GALK1: variants seen among roughly 807,000 people sequenced by gnomAD.
The protein encoded by GALK1 is galactokinase.
A neutral mutation model predicts 38.6 loss-of-function variants in GALK1; 30 were observed. That is an observed-to-expected ratio of 0.78 (90% CI 0.58 to 1.05). The LOEUF (loss-of-function observed/expected upper bound fraction) is 1.05. GALK1 is among the 50% of genes least tolerant of loss of function. The pLI, the probability that GALK1 is intolerant of heterozygous loss-of-function variation, is 0.00. For missense variants in GALK1, 512 were observed against 540.5 expected (o/e 0.95, Z 0.52); for synonymous variants, 240 against 233.6 (o/e 1.03, Z -0.25).
At chr17:75,757,119 T>C (rs55696316), downstream of GALK1, 520 of 1,612,508 alleles carry the variant, frequency 3.2e-4, 1 homozygote, top group African/African-American at 6.4e-3. Context: ...TAGGCACCTG[T>C]CCTTTCCTTC....
rs774588437 is a variant in GALK1, at chr17:75,764,012, C to T, written c.240G>A (p.Glu80=). 1.6e-5 allele frequency: 25 copies of T among 1,609,266 alleles called. No homozygotes were observed. The highest frequency in any genetic ancestry group is 1.9e-5 in the Non-Finnish European group (22 of 1,178,728). The part of the protein sequence containing the change: ...DGLVSLLTTS[E]GADEPQRLQF... ...GCAGCCGCTGGGGCTCATCGGCACC[C>T]TCAGAGGTGGTGAGGAGAGACACCA... The change falls in exon 2 of 8, where the codon GAG becomes GAA. Residue 80 remains glutamate (E), a synonymous_variant. Transcript: ENST00000588479.
At chr17:75,753,690 C>G, downstream of GALK1, 1 of 1,027,706 alleles carries the variant, frequency 9.7e-7, no homozygotes, top group East Asian at 3.2e-5. Context: ...GCAGAGCCTA[C>G]GGCCTTCCCC....
downstream of GALK1, among the ~76,000 whole-genome samples, chr17:75,755,407 C>CGGGGCT (rs1216877759): frequency 4.6e-5 from 7 of 152,086 alleles, no homozygotes; most frequent in East Asian, 3.9e-4. Context: ...TCCCAGGGGG[C>CGGGGCT]GGGGCTGGGG....
At chr17:75,756,394 C>G (rs1599321487), downstream of GALK1, 1 of 1,610,444 alleles carries the variant, frequency 6.2e-7, no homozygotes, top group African/African-American at 1.3e-5. Flanking sequence ...GGGAGTAACA[C>G]TGCACTACTG....
intron 8 of GALK1, chr17:75,751,921 G>T: frequency 1.8e-6 from 1 of 566,112 alleles, no homozygotes; most frequent in Admixed American, 2.8e-5. Context: ...TGACATCGAG[G>T]CCAACTTGAG....
chr17:75,753,798 A>T, downstream of GALK1: 1 of 1,459,564 alleles, frequency 6.9e-7, no homozygotes, highest in Non-Finnish European at 9.0e-7. Context: ...CTGCTGGGGG[A>T]GGAGCTGGAC....
intron 8 of GALK1, chr17:75,752,576 T>A: frequency 1.9e-6 from 3 of 1,613,472 alleles, no homozygotes; most frequent in Non-Finnish European, 2.5e-6. Context: ...CCGATGACAC[T>A]GGTGAGTGGA....
chr17:75,758,199 T>TGCCC lies in GALK1; in HGVS notation c.1107+7_1107+10dup. The TGCCC allele has an allele frequency of 6.2e-7, 1 of 1,608,148 alleles. No individual in the cohort carries two copies. Reference sequence around the variant, plus strand: ...CCGCTCCTGCCCGCCCAGGCCCTGGTGCCCGCCCACCTGGATGTGCCGCAT... The same window carrying TGCCC: ...CCGCTCCTGCCCGCCCAGGCCCTGGTGCCCGCCCGCCCACCTGGATGTGCCGCAT... On this transcript the variant is annotated intron_variant, in intron 7 of 7. Transcript: ENST00000588479.
chr17:75,755,581 T>C, downstream of GALK1: 1 of 1,309,480 alleles, frequency 7.6e-7, no homozygotes, highest in East Asian at 2.4e-5. Context: ...GAGTGAGTTG[T>C]CCAGCCAGCG....
At chr17:75,756,951 A>G (rs1264499019), downstream of GALK1, 3 of 1,612,538 alleles carry the variant, frequency 1.9e-6, no homozygotes, top group Non-Finnish European at 8.5e-7. Context: ...AGGGCCAGCC[A>G]CCGCATTCCG....
chr17:75,756,645 T>C, downstream of GALK1: 1 of 1,612,792 alleles, frequency 6.2e-7, no homozygotes, highest in East Asian at 2.2e-5. Flanking sequence ...GCCCCAGAGC[T>C]GCCCCCATCA....
At position 75,763,807 on chromosome 17, in the gene GALK1, A is replaced by G. The variant is rs2061598311; in HGVS notation, c.355+90T>C. 1.7e-5 allele frequency: 21 copies of G among 1,247,242 alleles called. No individual in the cohort carries two copies. The South Asian group carries it at 2.5e-4, about 15-fold the overall frequency. The allele number at this position is 1,247,242 out of a possible 1,614,324, so 77.3% of individuals were successfully genotyped here. A position where few individuals can be genotyped will look rare whatever the true frequency, so the allele number is the denominator to read the frequency against. On this transcript the variant is annotated intron_variant, in intron 2 of 7. Coordinates refer to ENST00000588479, the MANE Select transcript of GALK1 (RefSeq NM_000154.2). ...ATGCTCCACTCTACAAGCCTTCCCC[A>G]CAGTGTATCAGACAAATGAATGGGC...
downstream of GALK1, chr17:75,754,881 C>T (rs751505733): frequency 1.7e-5 from 28 of 1,607,866 alleles, no homozygotes; most frequent in Non-Finnish European, 2.2e-5. Flanking sequence ...CCTGGAGCCT[C>T]GGGCTTCTGT....
chr17:75,763,236 C>T (rs1200103147), intron 3 of GALK1, 84 bp downstream of exon 3: 1 of 1,611,294 alleles, frequency 6.2e-7, no homozygotes, highest in African/African-American at 1.3e-5. Flanking sequence ...CCTGCCACCC[C>T]CTCCATAAGG....
At chr17:75,764,397 G>C (rs1474193615) in intron 1 of GALK1, 1 of 623,564 alleles carries the variant, frequency 1.6e-6, no homozygotes, top group Non-Finnish European at 3.0e-6. Flanking sequence ...TTACATTTTG[G>C]GGTGGCTCTG....
intron 2 of GALK1, 155 bp downstream of exon 2, chr17:75,763,742 G>C: frequency 1.2e-6 from 1 of 865,392 alleles, no homozygotes; most frequent in Non-Finnish European, 1.8e-6. Flanking sequence ...GCAAGTTCCC[G>C]ACCTTCTGGG....
intron 5 of GALK1, 51 bp downstream of exon 5, chr17:75,762,653 C>T (rs1226454521): frequency 2.5e-6 from 4 of 1,597,066 alleles, no homozygotes; most frequent in South Asian, 2.2e-5. Flanking sequence ...CACTGAGGCG[C>T]CAGCAGGGAG....
chr17:75,760,804 C>T (rs1033407856), intron 5 of GALK1, among the ~76,000 whole-genome samples: 7 of 150,026 alleles, frequency 4.7e-5, no homozygotes, highest in South Asian at 2.1e-4. Context: ...GCAGATAAAC[C>T]GGGTGCCTTT....
At chr17:75,757,311 G>A, downstream of GALK1, 1 of 1,612,474 alleles carries the variant, frequency 6.2e-7, no homozygotes, top group Non-Finnish European at 8.5e-7. Flanking sequence ...TTCCTAGTGG[G>A]TGAGCACTGA....
Sources: allele counts gnomAD v4.1 joint callset (sites outside exome capture counted in the v4.1 genomes callset), GRCh38; gene constraint gnomAD v4.1.1; transcripts MANE v1.5; gene names NCBI Gene and HGNC (gene_info 2026-07-23, HGNC 2026-07-21).